Variants in ZBTB16 observed in about 807,000 individuals in gnomAD.
ZBTB16 encodes zinc finger and BTB domain containing 16.
Under a neutral mutation model 56.8 loss-of-function variants are expected in ZBTB16, and 8 were observed. The ratio of observed to expected loss-of-function variants is 0.14; its 90% CI spans 0.08 to 0.25. ZBTB16 has a LOEUF of 0.25. ZBTB16 is among the 10% of genes least tolerant of loss of function. The pLI is 1.00. For synonymous variants in ZBTB16, 363 were observed against 368.5 expected, an observed-to-expected ratio of 0.98 and a Z score of 0.17; for missense variants, 625 against 903.0, an observed-to-expected ratio of 0.69 and a Z score of 3.95.
intron 2 of ZBTB16, among the ~76,000 whole-genome samples, chr11:114,119,374 G>A (rs773179164): frequency 1.3e-5 from 2 of 150,550 alleles, no homozygotes; most frequent in Non-Finnish European, 3.0e-5. Flanking sequence ...GTTTGTGTCT[G>A]TGTGTGTGTG....
chr11:114,084,909 C>A (rs1939905457), intron 2 of ZBTB16, among the ~76,000 whole-genome samples: 1 of 152,214 alleles, frequency 6.6e-6, no homozygotes, highest in African/African-American at 2.4e-5. Context: ...GAGCCCTGTG[C>A]TTTCCTGCCT....
intron 2 of ZBTB16, among the ~76,000 whole-genome samples, chr11:114,118,019 C>G (rs183549122): frequency 6.6e-6 from 1 of 152,298 alleles, no homozygotes; most frequent in East Asian, 1.9e-4. Context: ...GAAATCATGA[C>G]TCTGTGAAAT....
intron 5 of ZBTB16, among the ~76,000 whole-genome samples, chr11:114,242,844 C>G (rs1296771190): frequency 6.6e-6 from 1 of 152,202 alleles, no homozygotes; most frequent in Non-Finnish European, 1.5e-5. Context: ...ACTTTCCCCA[C>G]AGTAACAAAG....
rs920106463 is a variant in ZBTB16 at position 114,251,783 on chromosome 11, C to T, written c.*1228C>T. On this transcript the variant is annotated 3_prime_UTR_variant, in exon 7 of 7. Transcript: ENST00000335953. ...GGAGCAGAAGGAGGGGGAGGAGCTG[C>T]AGGAGGAGGAGGATTTGAAAGCGCT... is the stretch of plus-strand genomic sequence containing the variant. Among the ~76,000 whole-genome samples the T allele has an allele frequency of 6.6e-6, 1 of 152,098 alleles. No individual in the cohort carries two copies. The highest frequency in any genetic ancestry group is 1.9e-4 in the East Asian group (1 of 5,184).
At chr11:114,085,379 T>C (rs1359249129) in intron 2 of ZBTB16, among the ~76,000 whole-genome samples, 2 of 152,186 alleles carry the variant, frequency 1.3e-5, no homozygotes, top group East Asian at 3.8e-4. Flanking sequence ...TCAAAAAGCA[T>C]TTACTGAGCA....
intron 2 of ZBTB16, among the ~76,000 whole-genome samples, chr11:114,153,687 C>T (rs550291234): frequency 1.3e-5 from 2 of 152,326 alleles, no homozygotes; most frequent in Admixed American, 1.3e-4. Context: ...TGTCAGAGGA[C>T]ATCACAATGC....
intron 2 of ZBTB16, among the ~76,000 whole-genome samples, chr11:114,115,579 G>A (rs1452701007): frequency 2.0e-5 from 3 of 151,980 alleles, no homozygotes; most frequent in Non-Finnish European, 1.5e-5. Flanking sequence ...TGCTGAGGAC[G>A]TCTCCCAGTG....
chr11:114,220,099 G>T (rs1944199050), intron 4 of ZBTB16, among the ~76,000 whole-genome samples: 1 of 152,234 alleles, frequency 6.6e-6, no homozygotes, highest in Non-Finnish European at 1.5e-5. Flanking sequence ...GAAGGAAAGT[G>T]TGAAGATTAG....
chr11:114,101,475 C>T (rs1221421206), intron 2 of ZBTB16, among the ~76,000 whole-genome samples: 1 of 152,080 alleles, frequency 6.6e-6, no homozygotes. Flanking sequence ...GTGTATTTAA[C>T]CAGGTTTTTT....
At chr11:114,173,675 G>A (rs1943031574) in intron 3 of ZBTB16, among the ~76,000 whole-genome samples, 1 of 152,192 alleles carries the variant, frequency 6.6e-6, no homozygotes, top group African/African-American at 2.4e-5. Context: ...AGGGACATGG[G>A]GAAGAGCAGA....
chr11:114,128,323 G>A (rs879864795), intron 2 of ZBTB16, among the ~76,000 whole-genome samples: 6 of 152,164 alleles, frequency 3.9e-5, no homozygotes, highest in Non-Finnish European at 7.3e-5. Context: ...CTGAACACCC[G>A]GGAGCACCTC....
intron 2 of ZBTB16, among the ~76,000 whole-genome samples, chr11:114,119,470 T>C (rs1185279789): frequency 1.3e-5 from 2 of 152,114 alleles, no homozygotes; most frequent in East Asian, 3.9e-4. Context: ...CCAGGAGCTC[T>C]CTAATGCAGT....
intron 2 of ZBTB16, among the ~76,000 whole-genome samples, chr11:114,076,253 A>G (rs1243552845): frequency 6.6e-6 from 1 of 152,176 alleles, no homozygotes; most frequent in Non-Finnish European, 1.5e-5. Context: ...AAGGAAAAAT[A>G]AAAATAAGTT....
chr11:114,146,826 G>GC (rs1397506416), intron 2 of ZBTB16, among the ~76,000 whole-genome samples: 1 of 146,254 alleles, frequency 6.8e-6, no homozygotes, highest in Non-Finnish European at 1.5e-5. Flanking sequence ...TCCAGCCTGG[G>GC]CGATAGAGTG....
intron 2 of ZBTB16, among the ~76,000 whole-genome samples, chr11:114,065,281 A>G (rs1461312160): frequency 6.6e-6 from 1 of 152,176 alleles, no homozygotes; most frequent in African/African-American, 2.4e-5. Context: ...TCAGGCTAGC[A>G]TTGGCTTCCC....
intron 1 of ZBTB16, among the ~76,000 whole-genome samples, chr11:114,062,210 T>C (rs1381947070): frequency 6.6e-6 from 1 of 152,040 alleles, no homozygotes; most frequent in Non-Finnish European, 1.5e-5. Context: ...TTCAAGTGAT[T>C]CTCCTGCCTC....
chr11:114,232,306 G>A (rs1319778995), intron 4 of ZBTB16, among the ~76,000 whole-genome samples: 1 of 152,204 alleles, frequency 6.6e-6, no homozygotes, highest in African/African-American at 2.4e-5. Flanking sequence ...ACCCCCAAAT[G>A]CAGGAAGTAG....
chr11:114,235,542 C>T (rs908107408), intron 4 of ZBTB16, among the ~76,000 whole-genome samples: 1 of 152,202 alleles, frequency 6.6e-6, no homozygotes, highest in African/African-American at 2.4e-5. Flanking sequence ...GTGAAATACC[C>T]TAGGTCTGTG....
intron 4 of ZBTB16, among the ~76,000 whole-genome samples, chr11:114,235,817 G>C (rs1307530501): frequency 8.6e-6 from 1 of 116,556 alleles, no homozygotes; most frequent in Admixed American, 9.6e-5. Context: ...CTAAAATTAA[G>C]CTTGTTTTAA....
Sources: gnomAD v4.1 joint callset for allele counts (sites outside exome capture counted in the v4.1 genomes callset) on GRCh38, gnomAD v4.1.1 for gene constraint, MANE v1.5 for transcripts, NCBI Gene and HGNC (gene_info 2026-07-23, HGNC 2026-07-21) for gene names.